The following EPHB1 variants were observed in gnomAD, a reference collection of about 807,000 sequenced individuals.
EPHB1 encodes EPH receptor B1, also known as ephrin type-B receptor 1.
A neutral mutation model predicts 94.4 loss-of-function variants in EPHB1; 30 were observed. The observed-to-expected ratio is 0.32, with a 90% CI of 0.24 to 0.43. The LOEUF is 0.43. Among genes scored for constraint, EPHB1 ranks in the 20% least tolerant of loss-of-function variants. The pLI is 1.00. For missense variants in EPHB1, 1,055 were observed against 1,308.3 expected (o/e 0.81, Z 2.99); for synonymous variants, 522 against 489.1 (o/e 1.07, Z -0.89).
intron 1 of EPHB1, among the ~76,000 whole-genome samples, chr3:134,909,550 T>G (rs1279110106): frequency 2.0e-5 from 3 of 152,216 alleles, no homozygotes; most frequent in Non-Finnish European, 4.4e-5. Context: ...GGCAGTGCTA[T>G]GAATGAGCAG....
intron 3 of EPHB1, among the ~76,000 whole-genome samples, chr3:135,053,372 C>T (rs2107772767): frequency 1.3e-5 from 2 of 152,016 alleles, no homozygotes; most frequent in South Asian, 4.2e-4. Context: ...TTGGCAGTTA[C>T]TCAATAAGTT....
At chr3:135,167,095 T>A in intron 9 of EPHB1, 89 bp downstream of exon 9, 2 of 1,485,604 alleles carry the variant, frequency 1.3e-6, no homozygotes, top group Non-Finnish European at 1.9e-6. Context: ...ATAGCCAGAC[T>A]GGCTGGTCCC....
intron 3 of EPHB1, among the ~76,000 whole-genome samples, chr3:135,011,874 T>C (rs888279092): frequency 6.6e-6 from 1 of 152,248 alleles, no homozygotes; most frequent in African/African-American, 2.4e-5. Context: ...TTCGTGAAGA[T>C]TGATTTTTCT....
At chr3:134,842,194 T>G (rs2036789568) in intron 1 of EPHB1, among the ~76,000 whole-genome samples, 1 of 152,218 alleles carries the variant, frequency 6.6e-6, no homozygotes, top group South Asian at 2.1e-4. Context: ...GAGAAGTTGC[T>G]GTCTATGAAT....
At position 135,248,338 on chromosome 3, in the gene EPHB1, A is replaced by G. The variant is rs1031952280; in HGVS notation, c.2519A>G (p.Asp840Gly). 1.3e-6 allele frequency: 2 copies of G among 1,597,534 alleles called. No individual in the cohort carries two copies. The highest frequency in any genetic ancestry group is 3.4e-5 in the Admixed American group (2 of 59,492). ...CAGGTCATCAATGCCATCGAGCAGGACTACCGGCTGCCCCCACCCATGGAC... is the reference window on the plus strand; with the variant it reads ...CAGGTCATCAATGCCATCGAGCAGGGCTACCGGCTGCCCCCACCCATGGAC... Reference protein sequence around the residue: ...NQDVINAIEQDYRLPPPMDCP... With the variant: ...NQDVINAIEQGYRLPPPMDCP... Residue 840 changes from aspartate to glycine, a missense_variant, in exon 14 of 16, where the codon GAC becomes GGC. Transcript: ENST00000398015.
intron 3 of EPHB1, among the ~76,000 whole-genome samples, chr3:135,060,738 A>G (rs573614768): frequency 1.3e-5 from 2 of 152,218 alleles, no homozygotes; most frequent in Non-Finnish European, 2.9e-5. Flanking sequence ...CATACCATGG[A>G]GAATGGGGTA....
At chr3:134,810,989 G>C (rs1206106503) in intron 1 of EPHB1, among the ~76,000 whole-genome samples, 1 of 152,062 alleles carries the variant, frequency 6.6e-6, no homozygotes. Context: ...CCCCAGAAGG[G>C]GAGTCCCATA....
intron 12 of EPHB1, among the ~76,000 whole-genome samples, chr3:135,202,082 A>G (rs1324650708): frequency 6.6e-6 from 1 of 152,170 alleles, no homozygotes; most frequent in Non-Finnish European, 1.5e-5. Context: ...GAACTGTGTC[A>G]CTAGGTAGAC....
intron 1 of EPHB1, among the ~76,000 whole-genome samples, chr3:134,822,544 A>G (rs572398296): frequency 2.6e-5 from 4 of 152,340 alleles, no homozygotes; most frequent in African/African-American, 7.2e-5. Context: ...GAATGCCCAC[A>G]ATTCTTATTT....
At chr3:134,897,547 T>G (rs377587630) in intron 1 of EPHB1, among the ~76,000 whole-genome samples, 32 of 152,276 alleles carry the variant, frequency 2.1e-4, no homozygotes, top group African/African-American at 7.2e-4. Flanking sequence ...ACGGGTCTTT[T>G]CAGGGCCACA....
At chr3:135,017,197 T>G (rs1935827868) in intron 3 of EPHB1, among the ~76,000 whole-genome samples, 1 of 152,200 alleles carries the variant, frequency 6.6e-6, no homozygotes, top group Admixed American at 6.5e-5. Flanking sequence ...CCTTCACTGC[T>G]GGGCTGGCAG....
At chr3:134,948,061 T>C (rs780579065) in intron 2 of EPHB1, among the ~76,000 whole-genome samples, 7 of 152,188 alleles carry the variant, frequency 4.6e-5, no homozygotes, top group Admixed American at 2.6e-4. Context: ...TCCAAAGTGC[T>C]AGAATTATAG....
At chr3:135,041,688 G>A (rs571280334) in intron 3 of EPHB1, among the ~76,000 whole-genome samples, 3 of 152,274 alleles carry the variant, frequency 2.0e-5, no homozygotes, top group East Asian at 1.9e-4. Context: ...GTATAAGTAC[G>A]TCCCTGTTTT....
intron 1 of EPHB1, among the ~76,000 whole-genome samples, chr3:134,904,303 G>C (rs148580288): frequency 0.01 from 1,563 of 152,338 alleles, 35 homozygotes; most frequent in South Asian, 0.081. Context: ...GCATGAATGA[G>C]TACAGTGAAA....
intron 3 of EPHB1, among the ~76,000 whole-genome samples, chr3:135,069,682 C>T (rs1937640351): frequency 1.3e-5 from 2 of 152,122 alleles, no homozygotes; most frequent in South Asian, 4.1e-4. Flanking sequence ...TCTGGATCCC[C>T]TTGCTAGTTT....
intron 3 of EPHB1, among the ~76,000 whole-genome samples, chr3:134,992,798 A>G (rs1340245940): frequency 1.3e-5 from 2 of 152,192 alleles, no homozygotes; most frequent in African/African-American, 4.8e-5. Context: ...ACAGTGAGGC[A>G]GGAAATGGAA....
chr3:135,105,897 A>G (rs781365952), intron 3 of EPHB1, among the ~76,000 whole-genome samples: 1 of 152,228 alleles, frequency 6.6e-6, no homozygotes, highest in Non-Finnish European at 1.5e-5. Context: ...TCACTTATGA[A>G]TTTCAGCCCT....
chr3:135,107,294 C>T (rs947810710), intron 4 of EPHB1, among the ~76,000 whole-genome samples: 5 of 152,170 alleles, frequency 3.3e-5, no homozygotes, highest in South Asian at 2.1e-4. Context: ...CTGCCAAAAA[C>T]GGGGAAAGGC....
At chr3:134,992,899 T>G (rs1934862825) in intron 3 of EPHB1, among the ~76,000 whole-genome samples, 1 of 152,210 alleles carries the variant, frequency 6.6e-6, no homozygotes, top group Non-Finnish European at 1.5e-5. Flanking sequence ...GACCCCACTG[T>G]CACAGCCCCT....
Sources: gnomAD v4.1 joint callset for allele counts (sites outside exome capture counted in the v4.1 genomes callset) on GRCh38, gnomAD v4.1.1 for gene constraint, MANE v1.5 for transcripts, NCBI Gene and HGNC (gene_info 2026-07-23, HGNC 2026-07-21) for gene names.